The following PARD3B variants were observed in gnomAD, a reference collection of about 807,000 sequenced individuals.
PARD3B encodes partitioning defective 3 homolog B.
In PARD3B, 103 loss-of-function variants were observed where a neutral mutation model predicts 130.2. That is an observed-to-expected ratio of 0.79 (90% CI 0.67 to 0.93). The LOEUF (loss-of-function observed/expected upper bound fraction) is 0.93. Ranked by LOEUF, PARD3B falls within the 40% of genes least tolerant of loss-of-function variation. PARD3B has a pLI of 0.00. For synonymous variants in PARD3B, 583 were observed against 553.2 expected (o/e 1.05, Z -0.76); for missense variants, 1,609 against 1,499.2 (o/e 1.07, Z -1.21).
chr2:205,570,445 A>G (rs919941007), intron 22 of PARD3B, among the ~76,000 whole-genome samples: 1 of 152,206 alleles, frequency 6.6e-6, no homozygotes, highest in Admixed American at 6.5e-5. Context: ...AGAAGAAAAT[A>G]CCCATACAGT....
intron 2 of PARD3B, among the ~76,000 whole-genome samples, chr2:204,776,062 A>G (rs556735972): frequency 1.3e-5 from 2 of 152,300 alleles, no homozygotes; most frequent in South Asian, 4.1e-4. Flanking sequence ...TGCTAGCTAG[A>G]AAAAACTCTT....
chr2:205,489,551 T>TATATATACATATATATATAC (rs1553524263), intron 20 of PARD3B, among the ~76,000 whole-genome samples: 3 of 138,494 alleles, frequency 2.2e-5, no homozygotes, highest in East Asian at 2.1e-4. Context: ...TATATATGTA[T>TATATATACATATATATATAC]ATATATACAT....
At chr2:205,072,698 G>A (rs1277934115) in intron 4 of PARD3B, among the ~76,000 whole-genome samples, 1 of 152,042 alleles carries the variant, frequency 6.6e-6, no homozygotes, top group Non-Finnish European at 1.5e-5. Flanking sequence ...AAAATAATGA[G>A]GAAGAAAATA....
At chr2:204,805,198 C>T (rs922705653) in intron 2 of PARD3B, among the ~76,000 whole-genome samples, 1 of 151,870 alleles carries the variant, frequency 6.6e-6, no homozygotes, top group South Asian at 2.1e-4. Context: ...AAGAGAAGAC[C>T]TAAACAAATA....
intron 10 of PARD3B, among the ~76,000 whole-genome samples, chr2:205,155,551 A>G (rs377728985): frequency 8.4e-4 from 128 of 152,358 alleles, no homozygotes; most frequent in African/African-American, 2.8e-3. Context: ...TGATTTGTCA[A>G]TTAAAATATA....
intron 3 of PARD3B, among the ~76,000 whole-genome samples, chr2:205,019,415 T>G (rs2125328151): frequency 6.6e-6 from 1 of 152,320 alleles, no homozygotes; most frequent in African/African-American, 2.4e-5. Flanking sequence ...TGAGCACTCT[T>G]TAGCTATTAT....
At chr2:205,236,424 TA>T (rs11312136) in intron 15 of PARD3B, among the ~76,000 whole-genome samples, 152,140 of 152,140 alleles carry the variant, frequency 1, 76,070 homozygotes, top group Non-Finnish European at 1. Flanking sequence ...TGAATTGATG[TA>T]AAAATTTGGC....
At chr2:204,867,471 A>G (rs6753755) in intron 2 of PARD3B, among the ~76,000 whole-genome samples, 2,694 of 152,222 alleles carry the variant, frequency 0.018, 83 homozygotes, top group African/African-American at 0.062. Flanking sequence ...TTTTTGCAAA[A>G]CATGACTGCA....
intron 1 of PARD3B, among the ~76,000 whole-genome samples, chr2:204,579,190 G>T (rs527278369): frequency 3.5e-4 from 53 of 152,030 alleles, no homozygotes; most frequent in African/African-American, 1.2e-3. Flanking sequence ...GCCATTTTGT[G>T]AGTACTGCTC....
chr2:204,562,823 T>TA (rs149902433), intron 1 of PARD3B, among the ~76,000 whole-genome samples: 25,085 of 151,416 alleles, frequency 0.17, 2,349 homozygotes, highest in African/African-American at 0.24. Context: ...ATATTTCTAA[T>TA]AAAAAAAATT....
chr2:204,773,468 A>G (rs1483166581), intron 2 of PARD3B, among the ~76,000 whole-genome samples: 1 of 152,018 alleles, frequency 6.6e-6, no homozygotes, highest in African/African-American at 2.4e-5. Flanking sequence ...ATCATTTTCC[A>G]TTTGTTGCAT....
rs898716884 is a variant in PARD3B at position 205,530,099 on chromosome 2, C to A, written c.3181-23225C>A. On this transcript the variant is annotated intron_variant, in intron 21 of 22. Transcript: ENST00000406610. This position sits in a 1 kb window ranked among gnomAD's most constrained non-coding sequence, Gnocchi z 4.7. ...CCGTAGGGTATGCACATTCCCACCA[C>A]AAGATGCAAAAGAGTGGCACACAGG... is the stretch of plus-strand genomic sequence containing the variant. 6.6e-6 allele frequency among the ~76,000 whole-genome samples: 1 copy of A among 152,172 alleles called. No homozygotes were observed. The highest frequency in any genetic ancestry group is 1.5e-5 in the Non-Finnish European group (1 of 68,038).
intron 21 of PARD3B, among the ~76,000 whole-genome samples, chr2:205,544,364 G>T (rs1276338029): frequency 6.6e-6 from 1 of 151,960 alleles, no homozygotes; most frequent in African/African-American, 2.4e-5. Flanking sequence ...TAGGAAATGA[G>T]GAATGATGTC....
intron 22 of PARD3B, among the ~76,000 whole-genome samples, chr2:205,609,032 C>T (rs914278137): frequency 3.3e-5 from 5 of 152,164 alleles, no homozygotes; most frequent in African/African-American, 1.2e-4. Context: ...GTGATGAAAG[C>T]GGATTTTTTT....
intron 1 of PARD3B, among the ~76,000 whole-genome samples, chr2:204,581,844 A>G (rs2032573818): frequency 6.6e-6 from 1 of 152,226 alleles, no homozygotes; most frequent in African/African-American, 2.4e-5. Flanking sequence ...CAGAGAACTA[A>G]TGTGGGGTTG....
intron 16 of PARD3B, among the ~76,000 whole-genome samples, chr2:205,248,386 G>T (rs2039662717): frequency 6.7e-6 from 1 of 149,646 alleles, no homozygotes; most frequent in Middle Eastern, 3.2e-3. Flanking sequence ...GGATTTGGTG[G>T]TGGTGGTGGT....
At chr2:204,726,970 G>C (rs1446805935) in intron 2 of PARD3B, among the ~76,000 whole-genome samples, 1 of 152,132 alleles carries the variant, frequency 6.6e-6, no homozygotes, top group Non-Finnish European at 1.5e-5. Flanking sequence ...GCTTAAATGA[G>C]TTGTTTAAAG....
chr2:205,037,088 A>G (rs1698002840), intron 3 of PARD3B, among the ~76,000 whole-genome samples: 1 of 131,132 alleles, frequency 7.6e-6, no homozygotes, highest in African/African-American at 2.8e-5. Context: ...TAAAACAAAT[A>G]TACATATATA....
rs1168360327 is a variant in PARD3B, at chr2:205,473,682, A to ATG, written c.3045-26212_3045-26211dup. Among the ~76,000 whole-genome samples, 6 of 88,130 alleles carry ATG rather than the reference A, an allele frequency of 6.8e-5. No homozygotes were observed. The highest frequency in any genetic ancestry group is 6.0e-4 in the Admixed American group (5 of 8,384). The allele number at this position is 88,130 out of a possible 152,430, so 57.8% of individuals were successfully genotyped here. A position where few individuals can be genotyped will look rare whatever the true frequency, so the allele number is the denominator to read the frequency against. ...TGTGTGTGTGTGTGTGTGTGTGTGT[A>ATG]TGTATATATATATATATATATATAT... is the stretch of plus-strand genomic sequence containing the variant. On this transcript the variant is annotated intron_variant, in intron 20 of 22. Transcript: ENST00000406610. This position sits in a 1 kb window ranked among gnomAD's most constrained non-coding sequence, Gnocchi z 4.9.
Sources: gnomAD v4.1 joint callset for allele counts (sites outside exome capture counted in the v4.1 genomes callset) on GRCh38, gnomAD v4.1.1 for gene constraint, Gnocchi (gnomAD v3.1) non-coding constraint, MANE v1.5 for transcripts, NCBI Gene and HGNC (gene_info 2026-07-23, HGNC 2026-07-21) for gene names.